UNC79: variants seen among roughly 807,000 people sequenced by gnomAD.
UNC79 encodes the protein protein unc-79 homolog.
In UNC79, 37 loss-of-function variants were observed where a neutral mutation model predicts 283.1. The ratio of observed to expected loss-of-function variants is 0.13; its 90% CI spans 0.10 to 0.17. The LOEUF is 0.17. UNC79 is among the 10% of genes least tolerant of loss of function. The pLI, the probability that UNC79 is intolerant of heterozygous loss-of-function variation, is 1.00. For synonymous variants in UNC79, 1,107 were observed against 1,200.2 expected (o/e 0.92, Z 1.61); for missense variants, 2,272 against 3,211.1 (o/e 0.71, Z 7.07).
chr14:93,445,015 G>A (rs908111877), intron 1 of UNC79, among the ~76,000 whole-genome samples: 1 of 152,102 alleles, frequency 6.6e-6, no homozygotes. Flanking sequence ...TGCAATATTT[G>A]GTAGTTGTCA....
At position 93,677,796 on chromosome 14, in the gene UNC79, C is replaced by T. The variant is rs371387885; in HGVS notation, c.6741+4341C>T. Among the ~76,000 whole-genome samples the T allele has an allele frequency of 1.1e-4, 16 of 152,206 alleles. No individual in the cohort carries two copies. In the East Asian group the frequency reaches 1.4e-3, roughly 13 times the overall value. ...TCCTGAGTAGCTGGGACTACAGGCA[C>T]GCACCACCACACCCAGCTAATTTTT... On this transcript the variant is annotated intron_variant, in intron 41 of 48. Coordinates refer to ENST00000555664, the Ensembl canonical transcript of UNC79.
chr14:93,586,144 G>T (rs917560084), intron 20 of UNC79, among the ~76,000 whole-genome samples: 1 of 152,174 alleles, frequency 6.6e-6, no homozygotes, highest in Non-Finnish European at 1.5e-5. Flanking sequence ...GCCTCCCAAA[G>T]TGCTGGGATT....
exon 20 of UNC79, chr14:93,582,324 C>T (rs2063878614): frequency 6.2e-7 from 1 of 1,614,118 alleles, no homozygotes; most frequent in South Asian, 1.1e-5. Flanking sequence ...GGCAACTGCA[C>T]CGAGCCCGTG....
At chr14:93,599,925 G>A (rs2065366907) in intron 24 of UNC79, among the ~76,000 whole-genome samples, 1 of 152,218 alleles carries the variant, frequency 6.6e-6, no homozygotes, top group African/African-American at 2.4e-5. Flanking sequence ...GATGCAGCTG[G>A]GCGTGGTGGC....
intron 10 of UNC79, among the ~76,000 whole-genome samples, chr14:93,530,670 G>A (rs1011838148): frequency 3.9e-5 from 6 of 152,068 alleles, no homozygotes; most frequent in Non-Finnish European, 8.8e-5. Flanking sequence ...AGCACTTTGG[G>A]AGGCCGAGGT....
chr14:93,411,813 A>G (rs2055341071), intron 1 of UNC79, among the ~76,000 whole-genome samples: 1 of 152,242 alleles, frequency 6.6e-6, no homozygotes, highest in Non-Finnish European at 1.5e-5. Flanking sequence ...AGCCTTCCCA[A>G]GAAGGATGGA....
chr14:93,592,863 C>G (rs1418156426), intron 22 of UNC79, among the ~76,000 whole-genome samples: 2 of 152,200 alleles, frequency 1.3e-5, no homozygotes, highest in Admixed American at 1.3e-4. Context: ...ATCTCTTTCT[C>G]TGTCTTCTCC....
In UNC79 at chr14:93,393,981, G is replaced by GT. The variant is rs200416327; in HGVS notation, c.-351+60469dup. The stretch of plus-strand genomic sequence containing the variant: ...TCAAACTCCATTCCAATTTTGTCAG[G>GT]TTTTTTTTTTTAGGACATCTGTATC... On this transcript the variant is annotated intron_variant, in intron 1 of 49. Transcript: ENST00000256339. Among the ~76,000 whole-genome samples the GT allele has an allele frequency of 8.5e-3, 1,224 of 144,792 alleles. 22 individuals are homozygous for GT. The highest frequency in any genetic ancestry group is 0.05 in the East Asian group (252 of 5,028). 95.0% of individuals were successfully genotyped at this position (144,792 alleles called of 152,430 possible).
At chr14:93,341,196 A>G (rs1048994473) in intron 1 of UNC79, among the ~76,000 whole-genome samples, 1 of 152,166 alleles carries the variant, frequency 6.6e-6, no homozygotes, top group African/African-American at 2.4e-5. Flanking sequence ...CACGCCTGCA[A>G]TCTTAGCACT....
chr14:93,351,972 C>T (rs2139915096), intron 1 of UNC79, among the ~76,000 whole-genome samples: 1 of 152,330 alleles, frequency 6.6e-6, no homozygotes, highest in South Asian at 2.1e-4. Context: ...ACAGAAACAC[C>T]TAAATGGTAT....
At chr14:93,644,752 C>T (rs2069413965) in intron 34 of UNC79, among the ~76,000 whole-genome samples, 1 of 152,156 alleles carries the variant, frequency 6.6e-6, no homozygotes, top group South Asian at 2.1e-4. Flanking sequence ...AAAATGTTGA[C>T]TTCAAGTTGA....
At chr14:93,681,895 C>T (rs1473432820) in intron 41 of UNC79, among the ~76,000 whole-genome samples, 2 of 152,236 alleles carry the variant, frequency 1.3e-5, no homozygotes, top group East Asian at 3.8e-4. Flanking sequence ...CAAGTCATAA[C>T]TGGCTAATGG....
At position 93,474,198 on chromosome 14, in the gene UNC79, C is replaced by T; in HGVS notation, c.253C>T (p.Pro85Ser). 4.6e-6 allele frequency: 7 copies of T among 1,536,120 alleles called. No individual in the cohort carries two copies. Among genetic ancestry groups the T allele is most frequent in the Non-Finnish European group, 6.1e-6 (7 of 1,146,866 alleles). The change falls in exon 3 of 49, where the codon CCG (proline) becomes TCG (serine). Residue 85 changes from proline to serine, a missense_variant. Pro to Ser is a moderately conservative substitution (Grantham distance 74). This residue lies in a region of UNC79 where 194 missense variants were observed against 268.9 expected (regional missense o/e 0.72). Coordinates refer to ENST00000555664, the Ensembl canonical transcript of UNC79. This position sits in a 1 kb window ranked among gnomAD's most constrained non-coding sequence, Gnocchi z 4.1. ...ATTCCCACTCACCCCATCTCTAAGACCGCAGGTCAGTTCCATCAACCCTAC... is the reference window on the plus strand; with the variant it reads ...ATTCCCACTCACCCCATCTCTAAGATCGCAGGTCAGTTCCATCAACCCTAC...
chr14:93,333,219 A>G (rs991082575), exon 1 of UNC79: 19 of 372,208 alleles, frequency 5.1e-5, no homozygotes, highest in Non-Finnish European at 7.5e-5. Flanking sequence ...CGCGCGCATT[A>G]TTTTTGCTCG....
intron 1 of UNC79, among the ~76,000 whole-genome samples, chr14:93,414,417 T>G (rs959520561): frequency 1.3e-5 from 2 of 152,140 alleles, no homozygotes; most frequent in African/African-American, 4.8e-5. Flanking sequence ...CCATACTGTT[T>G]TGGTTACTGT....
At chr14:93,373,249 G>A (rs539149959) in intron 1 of UNC79, among the ~76,000 whole-genome samples, 1 of 152,196 alleles carries the variant, frequency 6.6e-6, no homozygotes, top group East Asian at 1.9e-4. Flanking sequence ...AAAACTAGAA[G>A]AGCAAATTAA....
At chr14:93,553,228 A>G (rs947383462) in intron 14 of UNC79, among the ~76,000 whole-genome samples, 1 of 152,228 alleles carries the variant, frequency 6.6e-6, no homozygotes, top group African/African-American at 2.4e-5. Flanking sequence ...CAATTGTTAA[A>G]AGTTGTAAAT....
chr14:93,643,705 T>C lies in UNC79; in HGVS notation c.6044+8T>C, dbSNP rs1472905488. 3 of 1,611,828 alleles carry C rather than the reference T, an allele frequency of 1.9e-6. No homozygotes were observed. In the African/African-American group the frequency reaches 4.0e-5, roughly 22 times the overall value. On this transcript the variant is annotated splice_region_variant and intron_variant, in intron 34 of 48. Transcript: ENST00000555664. ...CATGCAGTCTGTGGGAAGGTGAATG[T>C]CAGCTTCTGTTTTGTTTGGTAGGAA...
intron 33 of UNC79, 64 bp downstream of exon 36, chr14:93,641,311 T>C: frequency 6.8e-7 from 1 of 1,478,840 alleles, no homozygotes; most frequent in East Asian, 2.4e-5. Context: ...ACCACAGTGG[T>C]GAGAAAGTTT....
Sources: gnomAD v4.1 joint callset for allele counts (sites outside exome capture counted in the v4.1 genomes callset) on GRCh38, gnomAD v4.1.1 for gene constraint, gnomAD v4.1.1 regional missense constraint, Gnocchi (gnomAD v3.1) non-coding constraint, MANE v1.5 for transcripts, NCBI Gene and HGNC (gene_info 2026-07-23, HGNC 2026-07-21) for gene names.